SEPTIN3: variants seen among roughly 807,000 people sequenced by gnomAD.
The protein encoded by SEPTIN3 is septin 3, also known as neuronal-specific septin-3.
A neutral mutation model predicts 45.1 loss-of-function variants in SEPTIN3; 15 were observed. The ratio of observed to expected loss-of-function variants is 0.33; its 90% CI spans 0.22 to 0.51. The LOEUF is 0.51. Ranked by LOEUF, SEPTIN3 falls within the 20% of genes least tolerant of loss-of-function variation. The probability of loss-of-function intolerance (pLI) is 0.97; values close to 1 mark genes in which losing one functional copy is unlikely to be tolerated. For synonymous variants in SEPTIN3, 148 were observed against 164.8 expected (o/e 0.90, Z 0.78); for missense variants, 289 against 457.2 (o/e 0.63, Z 3.35).
intron 2 of SEPTIN3, among the ~76,000 whole-genome samples, chr22:41,975,291 G>A (rs983391026): frequency 9.2e-5 from 14 of 152,156 alleles, no homozygotes; most frequent in Admixed American, 2.6e-4. Flanking sequence ...CTCTACTTTG[G>A]GCAGCCTCAT....
chr22:41,995,433 T>C, intron 11 of SEPTIN3: 1 of 985,624 alleles, frequency 1.0e-6, no homozygotes, highest in Non-Finnish European at 1.2e-6. Flanking sequence ...AGCCTACTGC[T>C]GCTCTCCACT....
intron 11 of SEPTIN3, chr22:41,995,651 G>T: frequency 1.0e-6 from 1 of 985,426 alleles, no homozygotes; most frequent in Non-Finnish European, 1.2e-6. Context: ...ACTTTAGACT[G>T]CCTTTCACAT....
chr22:41,985,551 A>G (rs1261754540), intron 3 of SEPTIN3: 1 of 163,076 alleles, frequency 6.1e-6, no homozygotes, highest in Non-Finnish European at 1.3e-5. Flanking sequence ...CAGGGCTGAT[A>G]TAAAAATGAA....
At position 41,994,653 on chromosome 22, in the gene SEPTIN3, A is replaced by G; in HGVS notation, c.2444A>G (p.His815Arg). ...THLQDLKEVT[H>R]NIHYETYRAK... is the part of the protein sequence containing the mutation. ...CTCCAGGACCTCAAGGAAGTGACAC[A>G]CAACATCCACTATGAGACTTACAGG... Residue 815 changes from histidine to arginine, a missense_variant, in exon 11 of 12, where the codon CAC becomes CGC. Physicochemically the swap from His to Arg is conservative, Grantham distance 29 (BLOSUM62 0). This residue lies in a region of SEPTIN3 where 84 missense variants were observed against 114.7 expected (regional missense o/e 0.73). Coordinates refer to ENST00000644076, the MANE Select transcript of SEPTIN3 (RefSeq NM_001363845.2). This position sits in a 1 kb window ranked among gnomAD's most constrained non-coding sequence, Gnocchi z 4.2. 6.2e-7 allele frequency: 1 copy of G among 1,614,170 alleles called. No homozygotes were observed. Among genetic ancestry groups the G allele is most frequent in the Non-Finnish European group, 8.5e-7 (1 of 1,180,034 alleles).
In SEPTIN3 at chr22:41,995,422, G is replaced by A. The variant is rs944294548; in HGVS notation, c.2505+708G>A. 6 of 985,550 alleles carry A rather than the reference G, an allele frequency of 6.1e-6. No individual in the cohort carries two copies. In the East Asian group the frequency reaches 6.8e-4, roughly 112 times the overall value. 61.1% of individuals were successfully genotyped at this position (985,550 alleles called of 1,614,324 possible). ...GTCACAAAGCTACCACCTGTCACCA[G>A]AGCCTACTGCTGCTCTCCACTCAAC... On this transcript the variant is annotated intron_variant, in intron 11 of 11. Coordinates refer to ENST00000644076, the MANE Select transcript of SEPTIN3 (RefSeq NM_001363845.2).
At position 41,997,149 on chromosome 22, in the gene SEPTIN3, TC is replaced by T; in HGVS notation, c.*183del. ...ATCCTCCATTTATCCAAACCACTCC[TC>T]TCCTCCCAGTGGAGTGGGGTTCTGC... On this transcript the variant is annotated 3_prime_UTR_variant, in exon 12 of 12. Transcript: ENST00000644076. 8.6e-7 allele frequency: 1 copy of T among 1,156,992 alleles called. No homozygotes were observed. The allele number at this position is 1,156,992 out of a possible 1,614,324, so 71.7% of individuals were successfully genotyped here.
chr22:41,981,619 C>T (rs753188190), intron 2 of SEPTIN3, 26 bp from the exon 3 acceptor site: 38 of 1,591,952 alleles, frequency 2.4e-5, no homozygotes, highest in East Asian at 1.4e-4. Context: ...ATCACCCCTC[C>T]GACCCCTCCC....
chr22:41,994,370 AC>A lies in SEPTIN3; in HGVS notation c.2411+30del. ...AGATGTCTCCCCTCCAGCTGTCCAG[AC>A]AGCAGGTTGAATTATTTGGGGTCAG... is the stretch of plus-strand genomic sequence containing the variant. On this transcript the variant is annotated intron_variant, in intron 10 of 11. Coordinates refer to ENST00000644076, the MANE Select transcript of SEPTIN3 (RefSeq NM_001363845.2). The surrounding 1 kb of genome is among the most constrained non-coding windows in gnomAD (Gnocchi z 4.2). The A allele has an allele frequency of 1.2e-6, 2 of 1,611,990 alleles. No individual in the cohort carries two copies. Among genetic ancestry groups the A allele is most frequent in the Non-Finnish European group, 1.7e-6 (2 of 1,178,362 alleles).
chr22:41,988,286 T>C (rs1409480439), intron 6 of SEPTIN3, among the ~76,000 whole-genome samples: 1 of 152,084 alleles, frequency 6.6e-6, no homozygotes, highest in African/African-American at 2.4e-5. Flanking sequence ...TACTATCTGA[T>C]AGGCAGAATA....
At chr22:41,977,775 G>C (rs988250809) in intron 2 of SEPTIN3, among the ~76,000 whole-genome samples, 1 of 152,212 alleles carries the variant, frequency 6.6e-6, no homozygotes, top group African/African-American at 2.4e-5. Flanking sequence ...TCCTAACACA[G>C]GGGTGGGGTC....
In SEPTIN3 at chr22:41,994,918, TGTGTGA is replaced by T. The variant is rs1434986704; in HGVS notation, c.2505+205_2505+210del. On this transcript the variant is annotated intron_variant, in intron 11 of 11. Coordinates refer to ENST00000644076, the MANE Select transcript of SEPTIN3 (RefSeq NM_001363845.2). The surrounding 1 kb of genome is among the most constrained non-coding windows in gnomAD (Gnocchi z 4.2). ...GTGTGTGTGTGTGTGTGTGTGTGTG[TGTGTGA>T]CAGAGAGAGAGCGAGAGAGCCTGTG... is the stretch of plus-strand genomic sequence containing the variant. The T allele has an allele frequency of 1.4e-5, 20 of 1,457,948 alleles. No individual in the cohort carries two copies. In the South Asian group the frequency reaches 2.6e-4, roughly 19 times the overall value. 90.3% of individuals were successfully genotyped at this position (1,457,948 alleles called of 1,614,324 possible).
rs1569437563 is a variant in SEPTIN3, at chr22:41,981,639, C to G, written c.1505-6C>G. On this transcript the variant is annotated splice_region_variant and splice_polypyrimidine_tract_variant and intron_variant, in intron 2 of 11. Coordinates refer to ENST00000644076, the MANE Select transcript of SEPTIN3 (RefSeq NM_001363845.2). The stretch of plus-strand genomic sequence containing the variant: ...CCCTCCGACCCCTCCCACCTTGGCT[C>G]TGCAGGGCTCCCAGAGACCAGGACG... 2 of 1,608,736 alleles carry G rather than the reference C, an allele frequency of 1.2e-6. No individual in the cohort carries two copies.
At chr22:41,979,384 A>T (rs1158923326) in intron 2 of SEPTIN3, among the ~76,000 whole-genome samples, 4 of 152,102 alleles carry the variant, frequency 2.6e-5, no homozygotes, top group African/African-American at 9.7e-5. Context: ...TGGGGATAAG[A>T]CCACCCCCCC....
chr22:41,979,940 G>T (rs1347297128), intron 2 of SEPTIN3, among the ~76,000 whole-genome samples: 1 of 152,104 alleles, frequency 6.6e-6, no homozygotes, highest in Admixed American at 6.5e-5. Flanking sequence ...ATGAAACATA[G>T]GATTCTAGAA....
At position 41,996,966 on chromosome 22, in the gene SEPTIN3, G is replaced by A; in HGVS notation, c.2570G>A (p.Ter857=). Residue 857 remains the stop codon, a stop_retained_variant, in exon 12 of 12, where the codon TGA becomes TAA. Transcript: ENST00000644076. ...GCCACCCCCTGCCCCACTGCTGAATGAAGGCCATTTCAAGCGCTGCTTCTC... is the reference window on the plus strand; with the variant it reads ...GCCACCCCCTGCCCCACTGCTGAATAAAGGCCATTTCAAGCGCTGCTTCTC... The part of the protein sequence containing the change: ...VPATPCPTAE[*] 1 of 1,614,002 alleles carries A rather than the reference G, an allele frequency of 6.2e-7. No homozygotes were observed.
chr22:41,970,509 G>GAAA (rs1234827157), intron 1 of SEPTIN3, among the ~76,000 whole-genome samples: 2 of 152,104 alleles, frequency 1.3e-5, no homozygotes, highest in Non-Finnish European at 2.9e-5. Context: ...TGCCCGAGTG[G>GAAA]CCGTTCCCAC....
chr22:41,987,101 C>G, intron 4 of SEPTIN3, 105 bp from the exon 5 acceptor site: 1 of 788,274 alleles, frequency 1.3e-6, no homozygotes, highest in Non-Finnish European at 2.0e-6. Flanking sequence ...TTTCCAATAA[C>G]TGATCCTGAA....
intron 6 of SEPTIN3, among the ~76,000 whole-genome samples, chr22:41,989,126 C>CAAAAAAAAAAAA (rs71184854): frequency 1.1e-5 from 1 of 88,596 alleles, no homozygotes. Flanking sequence ...GACCCTGTCT[C>CAAAAAAAAAAAA]AAAAAAAAAA....
At chr22:41,983,256 G>A (rs2078150745) in intron 3 of SEPTIN3, among the ~76,000 whole-genome samples, 3 of 152,198 alleles carry the variant, frequency 2.0e-5, no homozygotes, top group Admixed American at 2.0e-4. Flanking sequence ...TAAACAGTGT[G>A]CTCAGTGACA....
Sources: allele counts gnomAD v4.1 joint callset (sites outside exome capture counted in the v4.1 genomes callset), GRCh38; gene constraint gnomAD v4.1.1; regional missense constraint gnomAD v4.1.1; non-coding constraint Gnocchi (gnomAD v3.1); transcripts MANE v1.5; gene names NCBI Gene and HGNC (gene_info 2026-07-23, HGNC 2026-07-21).